Variants in BEND6 observed in about 807,000 individuals in gnomAD.
The protein encoded by BEND6 is BEN domain-containing protein 6.
Under a neutral mutation model 31.8 loss-of-function variants are expected in BEND6, and 24 were observed. The observed-to-expected ratio is 0.75, with a 90% CI of 0.55 to 1.06. The LOEUF (loss-of-function observed/expected upper bound fraction) is 1.06, where lower values mean the gene tolerates loss of function less well. BEND6 is among the 50% of genes least tolerant of loss of function. The pLI, the probability that BEND6 is intolerant of heterozygous loss-of-function variation, is 0.00. For missense variants in BEND6, 294 were observed against 327.4 expected (o/e 0.90, Z 0.79); for synonymous variants, 109 against 114.6 (o/e 0.95, Z 0.31).
chr6:56,969,686 G>T (rs2127843647), intron 1 of BEND6, among the ~76,000 whole-genome samples: 1 of 150,268 alleles, frequency 6.7e-6, no homozygotes, highest in South Asian at 2.1e-4. Context: ...TGAGACACCT[G>T]TATTACATTT....
At position 56,973,758 on chromosome 6, in the gene BEND6, T is replaced by C. The variant is rs113346588; in HGVS notation, c.-100-7953T>C. 5.7e-3 allele frequency among the ~76,000 whole-genome samples: 874 copies of C among 152,214 alleles called. 11 individuals carry two copies. Among genetic ancestry groups the C allele is most frequent in the African/African-American group, 0.02 (836 of 41,524 alleles). On this transcript the variant is annotated intron_variant, in intron 1 of 6. Transcript: ENST00000370746. Reference sequence around the variant, plus strand: ...GATGGCATTCTTTTTAAACTTACAATTTTTTTCTTTTTTTGAGACAGGGTC... The same window carrying C: ...GATGGCATTCTTTTTAAACTTACAACTTTTTTCTTTTTTTGAGACAGGGTC...
chr6:56,992,432 G>A lies in BEND6; in HGVS notation c.175G>A (p.Glu59Lys), dbSNP rs1373535827. 1 of 1,614,070 alleles carries A rather than the reference G, an allele frequency of 6.2e-7. No homozygotes were observed. Residue 59 changes from glutamate to lysine, a missense_variant, in exon 3 of 7, where the codon GAA becomes AAA. Coordinates refer to ENST00000370746, the MANE Select transcript of BEND6 (RefSeq NM_152731.3). ...GCCTGGTGAAAGCTCCAGTGAGGAT[G>A]AAGAGCCTTTAGCAGAATTGTCAAA... ...FLPGESSSED[E>K]EPLAELSKEE... is the part of the protein sequence containing the mutation.
rs1824661678 is a variant in BEND6 at position 56,955,387 on chromosome 6, C to G, written c.-174C>G. 6.6e-6 allele frequency: 1 copy of G among 152,274 alleles called. No homozygotes were observed. The highest frequency in any genetic ancestry group is 2.4e-5 in the African/African-American group (1 of 41,452). The allele number at this position is 152,274 out of a possible 1,614,324, so 9.4% of individuals were successfully genotyped here. Reference sequence around the variant, plus strand: ...ACCGAGAGGCGCTGACAGGAGCCTCCCGGCGGTGCTACCCTCCACCTCCCA... The same window carrying G: ...ACCGAGAGGCGCTGACAGGAGCCTCGCGGCGGTGCTACCCTCCACCTCCCA... On this transcript the variant is annotated 5_prime_UTR_variant, in exon 1 of 7. Transcript: ENST00000370746.
intron 1 of BEND6, among the ~76,000 whole-genome samples, chr6:56,965,415 T>C (rs1339336164): frequency 6.6e-6 from 1 of 152,130 alleles, no homozygotes; most frequent in Non-Finnish European, 1.5e-5. Context: ...GTTATTTCAT[T>C]AATATATGAT....
intron 1 of BEND6, among the ~76,000 whole-genome samples, chr6:56,962,407 A>G (rs962218654): frequency 1.3e-5 from 2 of 152,154 alleles, no homozygotes; most frequent in Non-Finnish European, 2.9e-5. Context: ...TGGTTATTTC[A>G]TTATGTGACT....
At chr6:57,005,414 G>T (rs1827120336) in intron 3 of BEND6, among the ~76,000 whole-genome samples, 1 of 152,118 alleles carries the variant, frequency 6.6e-6, no homozygotes, top group Admixed American at 6.5e-5. Context: ...AGTGGTCCAT[G>T]GCTGTAATCC....
intron 1 of BEND6, among the ~76,000 whole-genome samples, chr6:56,978,866 T>C (rs1825976374): frequency 6.6e-6 from 1 of 152,234 alleles, no homozygotes; most frequent in Non-Finnish European, 1.5e-5. Flanking sequence ...GTTTCTTAAC[T>C]GAATTGATTA....
At chr6:56,994,266 TGGC>T (rs1826616979) in intron 3 of BEND6, among the ~76,000 whole-genome samples, 2 of 151,760 alleles carry the variant, frequency 1.3e-5, no homozygotes, top group Admixed American at 6.6e-5. Context: ...AAGACCATCC[TGGC>T]TAACACTGTG....
Position 56,981,873 on chromosome 6 carries a change from G to A in BEND6, c.63G>A (p.Arg21=), listed in dbSNP as rs1343220178. ...TNTQAFRKGK[R]KRTETMDSEN... is the part of the protein sequence containing the mutation. ...CACAAGCTTTTAGAAAAGGAAAGAG[G>A]AAAAGAACAGAGACAATGGACTCAG... is the stretch of plus-strand genomic sequence containing the variant. The change falls in exon 2 of 7, where the codon AGG becomes AGA. Residue 21 remains arginine, a synonymous_variant. Coordinates refer to ENST00000370746, the MANE Select transcript of BEND6 (RefSeq NM_152731.3). 3.7e-6 allele frequency: 6 copies of A among 1,612,838 alleles called. No individual in the cohort carries two copies. Among genetic ancestry groups the A allele is most frequent in the South Asian group, 1.1e-5 (1 of 90,978 alleles).
intron 1 of BEND6, among the ~76,000 whole-genome samples, chr6:56,974,202 T>C (rs1015552251): frequency 1.5e-4 from 23 of 152,164 alleles, no homozygotes; most frequent in Admixed American, 1.3e-3. Flanking sequence ...TGTGCGGTAA[T>C]GTAAGTCAAT....
chr6:57,015,433 G>A (rs529500008), intron 4 of BEND6, 80 bp downstream of exon 4: 91 of 1,240,428 alleles, frequency 7.3e-5, no homozygotes, highest in Non-Finnish European at 1.0e-4. Context: ...AATGATCATT[G>A]TTTTATCAGA....
At chr6:56,987,400 C>T (rs571483730) in intron 2 of BEND6, among the ~76,000 whole-genome samples, 2 of 152,284 alleles carry the variant, frequency 1.3e-5, no homozygotes, top group South Asian at 4.1e-4. Flanking sequence ...TGTCTCTGAC[C>T]CATTTATCTG....
chr6:57,021,296 G>A (rs1043298287), intron 6 of BEND6, among the ~76,000 whole-genome samples: 1 of 152,164 alleles, frequency 6.6e-6, no homozygotes, highest in African/African-American at 2.4e-5. Context: ...GCACCATCTA[G>A]TGGAATACTG....
At chr6:57,019,335 G>C (rs1038502794) in intron 6 of BEND6, among the ~76,000 whole-genome samples, 1 of 152,100 alleles carries the variant, frequency 6.6e-6, no homozygotes, top group Non-Finnish European at 1.5e-5. Context: ...TGGAAAATAC[G>C]TGAAACCATG....
chr6:57,004,496 C>T, intron 3 of BEND6: 1 of 682,882 alleles, frequency 1.5e-6, no homozygotes, highest in Non-Finnish European at 2.7e-6. Flanking sequence ...CCCAAGGCCT[C>T]TGCCGCTCCA....
At chr6:57,013,107 TG>T (rs1171161352) in intron 3 of BEND6, among the ~76,000 whole-genome samples, 5 of 152,212 alleles carry the variant, frequency 3.3e-5, no homozygotes, top group African/African-American at 1.2e-4. Context: ...TTTTATTTTT[TG>T]CATATACCTC....
intron 1 of BEND6, among the ~76,000 whole-genome samples, chr6:56,970,839 CTT>C (rs1825666157): frequency 6.6e-6 from 1 of 152,058 alleles, no homozygotes; most frequent in Non-Finnish European, 1.5e-5. Flanking sequence ...TGTGAAGAAA[CTT>C]GAGGATTTGC....
At chr6:57,024,726 C>T (rs980909337) in intron 6 of BEND6, among the ~76,000 whole-genome samples, 1 of 152,170 alleles carries the variant, frequency 6.6e-6, no homozygotes, top group Non-Finnish European at 1.5e-5. Context: ...TCTGACCTTC[C>T]TGTACCTGGA....
Position 57,020,845 on chromosome 6 carries a change from T to G in BEND6, c.*9+2288T>G, listed in dbSNP as rs12182774. Among the ~76,000 whole-genome samples, 1,066 of 151,532 alleles carry G rather than the reference T, an allele frequency of 7.0e-3. 27 individuals are homozygous for G. Among genetic ancestry groups the G allele is most frequent in the Admixed American group, 0.017 (266 of 15,250 alleles). On this transcript the variant is annotated intron_variant, in intron 6 of 6. Transcript: ENST00000370746. ...ATCCTAAACTCTTGTTTTTTTTTTTTTTTTTTTTTAATATTTCTGACTTCC... is the reference window on the plus strand; with the variant it reads ...ATCCTAAACTCTTGTTTTTTTTTTTGTTTTTTTTTAATATTTCTGACTTCC...
Sources: allele counts gnomAD v4.1 joint callset (sites outside exome capture counted in the v4.1 genomes callset), GRCh38; gene constraint gnomAD v4.1.1; transcripts MANE v1.5; gene names NCBI Gene and HGNC (gene_info 2026-07-23, HGNC 2026-07-21).